BMP1: variants seen among roughly 807,000 people sequenced by gnomAD.
The protein encoded by BMP1 is mammalian tolloid protein.
BMP1 carries 63 observed loss-of-function variants against 116.8 expected under a neutral mutation model. The ratio of observed to expected loss-of-function variants is 0.54; its 90% CI spans 0.44 to 0.67. The LOEUF is 0.67. Among genes scored for constraint, BMP1 ranks in the 30% least tolerant of loss-of-function variants. The probability of loss-of-function intolerance (pLI) is 0.00; values close to 1 mark genes in which losing one functional copy is unlikely to be tolerated. For missense variants in BMP1, 1,183 were observed against 1,358.9 expected, an observed-to-expected ratio of 0.87 and a Z score of 2.04; for synonymous variants, 536 against 533.4, an observed-to-expected ratio of 1.00 and a Z score of -0.07.
intron 8 of BMP1, among the ~76,000 whole-genome samples, chr8:22,185,569 C>A (rs1158923565): frequency 1.3e-5 from 2 of 152,150 alleles, no homozygotes; most frequent in Non-Finnish European, 1.5e-5. Flanking sequence ...GCAATATCCG[C>A]CCTCATTCCC....
rs570717924 is a variant in BMP1, at chr8:22,181,979, G to A, written c.1077+1496G>A. Reference sequence around the variant, plus strand: ...TCTTTCCCATGTCAGCCCTCCTAATGTGGGGAGGCTACTCCCATCACTTCT... The same window carrying A: ...TCTTTCCCATGTCAGCCCTCCTAATATGGGGAGGCTACTCCCATCACTTCT... On this transcript the variant is annotated intron_variant, in intron 8 of 19. Transcript: ENST00000306385. Among the ~76,000 whole-genome samples the A allele has an allele frequency of 2.0e-5, 3 of 152,256 alleles. No individual in the cohort carries two copies. The East Asian group carries it at 5.8e-4, about 29-fold the overall frequency.
At position 22,196,853 on chromosome 8, in the gene BMP1, C is replaced by G. The variant is rs1829108141; in HGVS notation, c.1926+13C>G. 6.2e-7 allele frequency: 1 copy of G among 1,606,594 alleles called. No individual in the cohort carries two copies. The highest frequency in any genetic ancestry group is 8.5e-7 in the Non-Finnish European group (1 of 1,175,350). ...AGAGGGCAATGATGTAAGTGCCCAC[C>G]AGGGGCTGAGGTGGGGCAGGAAGCT... On this transcript the variant is annotated intron_variant, in intron 14 of 19. Coordinates refer to ENST00000306385, the MANE Select transcript of BMP1 (RefSeq NM_006129.5).
At chr8:22,202,028 G>T (rs554086803) in intron 16 of BMP1, 100 bp downstream of exon 16, 12 of 1,471,028 alleles carry the variant, frequency 8.2e-6, no homozygotes, top group Admixed American at 2.4e-5. Flanking sequence ...AGATTCTGGG[G>T]CCTGTATGAT....
chr8:22,197,251 C>T lies in BMP1; in HGVS notation c.1938C>T (p.Tyr646=), dbSNP rs763299873. The T allele has an allele frequency of 2.5e-5, 40 of 1,609,776 alleles. No individual in the cohort carries two copies. The highest frequency in any genetic ancestry group is 2.1e-4 in the South Asian group (19 of 90,994). ...GGGCTTCCCTGCAGGTGTGCAAGTA[C>T]GACTTCGTGGAGGTGCGCAGTGGAC... ...FETEGNDVCK[Y]DFVEVRSGLT... Residue 646 remains tyrosine (Y), a synonymous_variant, in exon 15 of 20, where the codon TAC becomes TAT. Transcript: ENST00000306385.
chr8:22,185,571 C>T (rs572810042), intron 8 of BMP1, among the ~76,000 whole-genome samples: 15 of 152,266 alleles, frequency 9.9e-5, no homozygotes, highest in African/African-American at 3.1e-4. Flanking sequence ...AATATCCGCC[C>T]TCATTCCCAT....
At position 22,206,988 on chromosome 8, in the gene BMP1, G is replaced by A. The variant is rs757906589; in HGVS notation, c.2361+7G>A. 6.2e-7 allele frequency: 1 copy of A among 1,613,970 alleles called. No individual in the cohort carries two copies. The highest frequency in any genetic ancestry group is 8.5e-7 in the Non-Finnish European group (1 of 1,179,932). On this transcript the variant is annotated splice_region_variant and intron_variant, in intron 17 of 19. Transcript: ENST00000306385. ...CGGGCACCGGGTCAAGCTGGTAAGG[G>A]GTCCCCTCCCCACTCCTTATGCGGT...
At chr8:22,185,919 T>A (rs1356517756) in intron 8 of BMP1, among the ~76,000 whole-genome samples, 1 of 136,178 alleles carries the variant, frequency 7.3e-6, no homozygotes, top group Non-Finnish European at 1.5e-5. Flanking sequence ...CAATATAACC[T>A]CCGCCTCCCG....
chr8:22,196,322 G>C, intron 13 of BMP1: 2 of 571,560 alleles, frequency 3.5e-6, no homozygotes, highest in Non-Finnish European at 6.8e-6. Context: ...CTGTGCCCCC[G>C]AGCTGCTCCC....
At chr8:22,210,532 G>C (rs1198651305) in intron 19 of BMP1, among the ~76,000 whole-genome samples, 1 of 149,830 alleles carries the variant, frequency 6.7e-6, no homozygotes, top group Non-Finnish European at 1.5e-5. Context: ...TGGCCCTCCT[G>C]TCACCTCCCT....
chr8:22,210,891 C>G (rs1326552566), intron 19 of BMP1, among the ~76,000 whole-genome samples: 2 of 152,276 alleles, frequency 1.3e-5, no homozygotes, highest in Admixed American at 1.3e-4. Context: ...CCTGGCACAA[C>G]TACTCGGAAT....
In BMP1 at chr8:22,201,915, C is replaced by T. The variant is rs377456913; in HGVS notation, c.2220C>T (p.His740=). The part of the protein sequence containing the change: ...RSGFVLHDNK[H]DCKEAGCDHK... ...GCTTCGTCCTCCATGACAACAAGCACGACTGCAAAGAAGGTACGGGCTGCA... is the reference window on the plus strand; with the variant it reads ...GCTTCGTCCTCCATGACAACAAGCATGACTGCAAAGAAGGTACGGGCTGCA... Residue 740 remains histidine (H), a synonymous_variant, in exon 16 of 20, where the codon CAC becomes CAT. Coordinates refer to ENST00000306385, the MANE Select transcript of BMP1 (RefSeq NM_006129.5). 1.7e-5 allele frequency: 27 copies of T among 1,613,158 alleles called. No individual in the cohort carries two copies. In the East Asian group the frequency reaches 2.0e-4, roughly 12 times the overall value.
intron 16 of BMP1, among the ~76,000 whole-genome samples, chr8:22,203,372 G>A (rs1209163756): frequency 2.6e-5 from 4 of 152,242 alleles, no homozygotes; most frequent in East Asian, 3.9e-4. Context: ...CCTGGCCAGC[G>A]TGATGAAAAC....
In BMP1 at chr8:22,212,138, T is replaced by C. The variant is rs1306154326; in HGVS notation, c.*410T>C. ...ACCCCTGCTCCAGCCTCGATTTGGT[T>C]TTATTTTGAGCCCCCATTCCACCAC... On this transcript the variant is annotated 3_prime_UTR_variant, in exon 20 of 20. Coordinates refer to ENST00000306385, the MANE Select transcript of BMP1 (RefSeq NM_006129.5). The C allele has an allele frequency of 1.6e-5, 3 of 183,328 alleles. No homozygotes were observed. The highest frequency in any genetic ancestry group is 3.5e-5 in the Non-Finnish European group (3 of 85,468). The allele number at this position is 183,328 out of a possible 1,614,324, so 11.4% of individuals were successfully genotyped here. A position where few individuals can be genotyped will look rare whatever the true frequency, so the allele number is the denominator to read the frequency against.
chr8:22,197,425 C>A lies in BMP1; in HGVS notation c.2107+5C>A. The A allele has an allele frequency of 6.2e-7, 1 of 1,601,586 alleles. No homozygotes were observed. Among genetic ancestry groups the A allele is most frequent in the Non-Finnish European group, 8.5e-7 (1 of 1,169,652 alleles). On this transcript the variant is annotated splice_donor_5th_base_variant and intron_variant, in intron 15 of 19. Coordinates refer to ENST00000306385, the MANE Select transcript of BMP1 (RefSeq NM_006129.5). ...TCAAGGCCCACTTCTTCTCAGGTAT[C>A]CCTGGACTGCCCAGCTCCTAGCCCC... is the stretch of plus-strand genomic sequence containing the variant.
chr8:22,172,030 C>T (rs1828292076), intron 1 of BMP1, among the ~76,000 whole-genome samples: 1 of 152,132 alleles, frequency 6.6e-6, no homozygotes. Flanking sequence ...GGAACACTAA[C>T]CTTGGGTGTC....
At chr8:22,196,659 C>T (rs752771923) in intron 13 of BMP1, 21 bp from the exon 14 acceptor site, 4 of 1,613,624 alleles carry the variant, frequency 2.5e-6, no homozygotes, top group South Asian at 1.1e-5. Context: ...GCAGACGATG[C>T]CACCTTCCTT....
intron 16 of BMP1, among the ~76,000 whole-genome samples, chr8:22,203,414 AGGCGT>A (rs1829299028): frequency 6.6e-6 from 1 of 152,084 alleles, no homozygotes; most frequent in Admixed American, 6.6e-5. Flanking sequence ...AAAATTAGCC[AGGCGT>A]GGTGGGACGC....
intron 14 of BMP1, among the ~76,000 whole-genome samples, 168 bp downstream of exon 14, chr8:22,197,008 C>T (rs1321252359): frequency 6.6e-6 from 1 of 152,134 alleles, no homozygotes; most frequent in East Asian, 1.9e-4. Context: ...GCAGGGAGGG[C>T]CCCAAAGGGG....
chr8:22,191,999 T>C, intron 8 of BMP1, 50 bp from the exon 9 acceptor site: 1 of 1,505,434 alleles, frequency 6.6e-7, no homozygotes, highest in Non-Finnish European at 9.2e-7. Context: ...GGCAGAGGGC[T>C]GGTGCAATGT....
Sources: allele counts gnomAD v4.1 joint callset (sites outside exome capture counted in the v4.1 genomes callset), GRCh38; gene constraint gnomAD v4.1.1; transcripts MANE v1.5; gene names NCBI Gene and HGNC (gene_info 2026-07-23, HGNC 2026-07-21).